Variants in WWOX observed in about 807,000 individuals in gnomAD.
WWOX encodes WW domain containing oxidoreductase.
WWOX carries 69 observed loss-of-function variants against 46.2 expected under a neutral mutation model. The observed-to-expected ratio is 1.49, with a 90% CI of 1.23 to 1.82. The LOEUF (loss-of-function observed/expected upper bound fraction) is 1.82, where lower values mean the gene tolerates loss of function less well. WWOX is among the 40% of genes most tolerant of loss of function. The pLI is 0.00. For missense variants in WWOX, 919 were observed against 542.6 expected (o/e 1.69, Z -6.89); for synonymous variants, 359 against 202.6 (o/e 1.77, Z -6.56).
chr16:78,693,020 A>C (rs528719956), intron 8 of WWOX, among the ~76,000 whole-genome samples: 1 of 152,194 alleles, frequency 6.6e-6, no homozygotes, highest in Non-Finnish European at 1.5e-5. Context: ...TGAAAGCCCA[A>C]CCATATGGAC....
chr16:78,620,877 A>C (rs957828525), intron 8 of WWOX, among the ~76,000 whole-genome samples: 2 of 152,124 alleles, frequency 1.3e-5, no homozygotes, highest in African/African-American at 4.8e-5. Context: ...CCAGGTCACT[A>C]CGTATTGCGT....
At chr16:78,875,457 A>C (rs527693122) in intron 8 of WWOX, among the ~76,000 whole-genome samples, 1 of 152,270 alleles carries the variant, frequency 6.6e-6, no homozygotes, top group South Asian at 2.1e-4. Flanking sequence ...AAAACAAAAA[A>C]ATAGCAAATC....
chr16:79,151,657 G>T (rs2050281411), intron 8 of WWOX, among the ~76,000 whole-genome samples: 1 of 148,472 alleles, frequency 6.7e-6, no homozygotes, highest in Non-Finnish European at 1.5e-5. Context: ...CTGCAGATCA[G>T]GGGTGCTAGA....
intron 8 of WWOX, among the ~76,000 whole-genome samples, chr16:78,943,118 G>C (rs777273481): frequency 6.6e-6 from 1 of 152,164 alleles, no homozygotes; most frequent in Admixed American, 6.5e-5. Context: ...GCTAGACAGC[G>C]AATCAAGGTG....
At chr16:79,180,936 C>G (rs1056407366) in intron 8 of WWOX, among the ~76,000 whole-genome samples, 1 of 152,116 alleles carries the variant, frequency 6.6e-6, no homozygotes, top group Admixed American at 6.5e-5. Context: ...GGTCTTTTTC[C>G]CTATTCCAGG....
intron 8 of WWOX, among the ~76,000 whole-genome samples, chr16:78,753,974 C>G (rs1237111212): frequency 3.3e-5 from 5 of 149,896 alleles, no homozygotes; most frequent in Non-Finnish European, 7.4e-5. Context: ...TCCAATTTAT[C>G]CATCTCAAGA....
intron 8 of WWOX, among the ~76,000 whole-genome samples, chr16:78,511,988 T>C (rs1347869145): frequency 6.6e-6 from 1 of 152,240 alleles, no homozygotes; most frequent in African/African-American, 2.4e-5. Flanking sequence ...ACTTTACATA[T>C]GAAAAGAAGT....
At chr16:78,449,839 AG>A (rs375061345) in intron 8 of WWOX, among the ~76,000 whole-genome samples, 17 of 152,276 alleles carry the variant, frequency 1.1e-4, no homozygotes, top group African/African-American at 4.1e-4. Context: ...GTCTTTCTCA[AG>A]AAATGTGTAT....
At chr16:78,995,890 G>A (rs1316982379) in intron 8 of WWOX, among the ~76,000 whole-genome samples, 2 of 152,264 alleles carry the variant, frequency 1.3e-5, no homozygotes, top group East Asian at 1.9e-4. Flanking sequence ...TCTTAAATGG[G>A]ATCATTTCCA....
intron 7 of WWOX, among the ~76,000 whole-genome samples, chr16:78,427,155 A>G (rs1293633768): frequency 6.6e-6 from 1 of 152,156 alleles, no homozygotes; most frequent in Non-Finnish European, 1.5e-5. Flanking sequence ...GCAAGTGCTG[A>G]TATCTAATTA....
intron 8 of WWOX, among the ~76,000 whole-genome samples, chr16:79,154,673 A>C (rs1441467350): frequency 6.6e-6 from 1 of 152,198 alleles, no homozygotes; most frequent in Non-Finnish European, 1.5e-5. Context: ...TACACTGTAA[A>C]ACAACCACGT....
At chr16:78,961,925 A>G (rs1337487056) in intron 8 of WWOX, among the ~76,000 whole-genome samples, 4 of 152,184 alleles carry the variant, frequency 2.6e-5, no homozygotes, top group Non-Finnish European at 1.5e-5. Context: ...ATTTACATCA[A>G]GCACAATTTG....
At chr16:78,414,737 T>C (rs1047848824) in intron 6 of WWOX, among the ~76,000 whole-genome samples, 15 of 152,174 alleles carry the variant, frequency 9.9e-5, no homozygotes, top group African/African-American at 3.6e-4. Flanking sequence ...CATCCTAACG[T>C]GGTGGCCTTT....
intron 8 of WWOX, among the ~76,000 whole-genome samples, chr16:78,920,906 A>T (rs1224786968): frequency 6.6e-6 from 1 of 152,200 alleles, no homozygotes; most frequent in Non-Finnish European, 1.5e-5. Flanking sequence ...TAAAAACTGT[A>T]ATTGACTTTC....
intron 5 of WWOX, among the ~76,000 whole-genome samples, chr16:78,192,095 G>A (rs1045744604): frequency 1.3e-5 from 2 of 151,982 alleles, no homozygotes; most frequent in African/African-American, 4.8e-5. Context: ...TACTATCTAG[G>A]TGACAGGATC....
chr16:79,022,952 G>A (rs1476125128), intron 8 of WWOX, among the ~76,000 whole-genome samples: 1 of 152,110 alleles, frequency 6.6e-6, no homozygotes, highest in Admixed American at 6.5e-5. Flanking sequence ...AATACCTATG[G>A]CATAGGGTTT....
At chr16:78,519,200 C>G (rs926284586) in intron 8 of WWOX, among the ~76,000 whole-genome samples, 9 of 152,112 alleles carry the variant, frequency 5.9e-5, no homozygotes, top group Non-Finnish European at 1.2e-4. Flanking sequence ...CTTGATGTTA[C>G]CTGCCTTACC....
intron 5 of WWOX, among the ~76,000 whole-genome samples, chr16:78,312,402 A>T (rs1429335660): frequency 1.5e-4 from 9 of 59,620 alleles, no homozygotes; most frequent in Non-Finnish European, 3.4e-5. Flanking sequence ...TTTAAGACGG[A>T]GTTGTGCTCT....
At chr16:78,923,238 C>T (rs1313774068) in intron 8 of WWOX, among the ~76,000 whole-genome samples, 1 of 152,146 alleles carries the variant, frequency 6.6e-6, no homozygotes, top group Non-Finnish European at 1.5e-5. Flanking sequence ...AACTCGGCCT[C>T]CCAAAGCACT....
Sources: allele counts gnomAD v4.1 joint callset (sites outside exome capture counted in the v4.1 genomes callset), GRCh38; gene constraint gnomAD v4.1.1; transcripts MANE v1.5; gene names NCBI Gene and HGNC (gene_info 2026-07-23, HGNC 2026-07-21).